Variants in MGAT4C observed in about 807,000 individuals in gnomAD.
MGAT4C encodes the protein alpha-1,3-mannosyl-glycoprotein 4-beta-N-acetylglucosaminyltransferase C.
A neutral mutation model predicts 40.1 loss-of-function variants in MGAT4C; 19 were observed. The ratio of observed to expected loss-of-function variants is 0.47; its 90% CI spans 0.33 to 0.70. The LOEUF (loss-of-function observed/expected upper bound fraction) is 0.70. Ranked by LOEUF, MGAT4C falls within the 30% of genes least tolerant of loss-of-function variation. The pLI, the probability that MGAT4C is intolerant of heterozygous loss-of-function variation, is 0.02. For missense variants in MGAT4C, 491 were observed against 563.2 expected, an observed-to-expected ratio of 0.87 and a Z score of 1.30; for synonymous variants, 181 against 187.1, an observed-to-expected ratio of 0.97 and a Z score of 0.27.
chr12:86,404,762 A>T (rs1249090543), intron 3 of MGAT4C, among the ~76,000 whole-genome samples: 5 of 152,172 alleles, frequency 3.3e-5, no homozygotes, highest in Non-Finnish European at 7.4e-5. Context: ...TGTTAGGAAG[A>T]TTACCTAATG....
intron 1 of MGAT4C, among the ~76,000 whole-genome samples, chr12:86,777,907 C>T (rs1264129908): frequency 1.3e-5 from 2 of 152,090 alleles, no homozygotes; most frequent in South Asian, 2.1e-4. Context: ...GAACTCAAAA[C>T]TTTGAATTTT....
In MGAT4C at chr12:86,271,783, T is replaced by G. The variant is rs184444893; in HGVS notation, c.-57+62282A>C. On this transcript the variant is annotated intron_variant, in intron 4 of 7. Transcript: ENST00000548651. ...CAATAGATGATGGAGTAGAGAATAT[T>G]TGGTATATATACAGCATGGACTATT... 2.4e-3 allele frequency among the ~76,000 whole-genome samples: 358 copies of G among 152,274 alleles called. 1 individual carries two copies. The highest frequency in any genetic ancestry group is 4.0e-3 in the Admixed American group (61 of 15,298).
intron 2 of MGAT4C, among the ~76,000 whole-genome samples, chr12:86,508,384 G>T (rs1399411143): frequency 6.6e-6 from 1 of 152,154 alleles, no homozygotes; most frequent in African/African-American, 2.4e-5. Flanking sequence ...CAAAGGACAT[G>T]AACTCAACAT....
chr12:86,714,454 G>A (rs2136636133), intron 2 of MGAT4C, among the ~76,000 whole-genome samples: 1 of 152,178 alleles, frequency 6.6e-6, no homozygotes, highest in Non-Finnish European at 1.5e-5. Context: ...TGTTGTGGGA[G>A]GGACCCGGTG....
chr12:86,380,041 T>A (rs984960928), intron 3 of MGAT4C, among the ~76,000 whole-genome samples: 4 of 152,260 alleles, frequency 2.6e-5, no homozygotes, highest in Admixed American at 6.5e-5. Context: ...TAGGTATTAT[T>A]TTCTGGGCCA....
At chr12:86,110,916 T>C (rs1024076) in intron 1 of MGAT4C, among the ~76,000 whole-genome samples, 87,309 of 151,434 alleles carry the variant, frequency 0.58, 25,454 homozygotes, top group South Asian at 0.72. Context: ...CAGACTGCAG[T>C]GAGACTATTT....
chr12:86,292,661 G>A (rs1436974393), intron 4 of MGAT4C, among the ~76,000 whole-genome samples: 1 of 152,114 alleles, frequency 6.6e-6, no homozygotes, highest in African/African-American at 2.4e-5. Flanking sequence ...CCCATATTGC[G>A]TTCCACGAAA....
chr12:86,718,089 G>A (rs2136640664), intron 2 of MGAT4C, among the ~76,000 whole-genome samples: 1 of 152,232 alleles, frequency 6.6e-6, no homozygotes, highest in African/African-American at 2.4e-5. Flanking sequence ...ACAAACTAAT[G>A]ATGCTGTTAA....
At position 85,979,349 on chromosome 12, in the gene MGAT4C, A is replaced by G; in HGVS notation, c.1377T>C (p.Tyr459=). Reference sequence around the variant, plus strand: ...GCCATTCCTTTTGTGTTTTGGTGACATATATCCTCATACAATGTATATCAA... The same window carrying G: ...GCCATTCCTTTTGTGTTTTGGTGACGTATATCCTCATACAATGTATATCAA... ...IPFDIHCMRI[Y]VTKTQKEWLI... Residue 459 remains tyrosine, a synonymous_variant, in exon 5 of 5, where the codon TAT becomes TAC. Transcript: ENST00000611864. 1.2e-6 allele frequency: 2 copies of G among 1,612,506 alleles called. No individual in the cohort carries two copies. Among genetic ancestry groups the G allele is most frequent in the Non-Finnish European group, 1.7e-6 (2 of 1,179,078 alleles).
At chr12:86,737,270 A>G (rs949156634) in intron 1 of MGAT4C, among the ~76,000 whole-genome samples, 1 of 149,970 alleles carries the variant, frequency 6.7e-6, no homozygotes, top group Non-Finnish European at 1.5e-5. Context: ...CCAATGGTCA[A>G]TTTTCAGTAC....
At position 86,668,572 on chromosome 12, in the gene MGAT4C, T is replaced by C. The variant is rs138704595; in HGVS notation, c.-229+58637A>G. ...GCACACCATTTTTAATCTGTGCACA[T>C]ACACTGTCAGCCATTATTTTGTGTG... On this transcript the variant is annotated intron_variant, in intron 2 of 7. Coordinates refer to the MGAT4C transcript ENST00000548651. Among the ~76,000 whole-genome samples, 557 of 152,282 alleles carry C rather than the reference T, an allele frequency of 3.7e-3. 1 individual carries two copies. Among genetic ancestry groups the C allele is most frequent in the African/African-American group, 0.013 (529 of 41,550 alleles).
intron 2 of MGAT4C, among the ~76,000 whole-genome samples, chr12:86,596,404 C>T (rs1207381051): frequency 2.0e-5 from 3 of 152,026 alleles, no homozygotes; most frequent in African/African-American, 7.2e-5. Flanking sequence ...CGGGGACTAT[C>T]GTTAAAGAGA....
intron 2 of MGAT4C, among the ~76,000 whole-genome samples, chr12:86,543,610 CT>C (rs1394368746): frequency 6.6e-6 from 1 of 151,972 alleles, no homozygotes; most frequent in African/African-American, 2.4e-5. Context: ...TTTTTTGCCT[CT>C]TTATTTTTCA....
At chr12:86,310,879 G>A (rs1188587927) in intron 4 of MGAT4C, among the ~76,000 whole-genome samples, 2 of 152,104 alleles carry the variant, frequency 1.3e-5, no homozygotes, top group Non-Finnish European at 2.9e-5. Context: ...AGCCGAGATC[G>A]CACCACCGCA....
upstream of MGAT4C, among the ~76,000 whole-genome samples, chr12:86,259,836 C>T (rs1414756415): frequency 1.1e-4 from 1 of 9,348 alleles, no homozygotes; most frequent in Non-Finnish European, 1.8e-4. Flanking sequence ...ACTCAGCACC[C>T]TGACTAGTAA....
At chr12:86,401,673 C>T (rs1388046873) in intron 3 of MGAT4C, among the ~76,000 whole-genome samples, 2 of 152,054 alleles carry the variant, frequency 1.3e-5, no homozygotes, top group Non-Finnish European at 2.9e-5. Context: ...CTTCACTTCA[C>T]GTCTTGTGAC....
intron 1 of MGAT4C, among the ~76,000 whole-genome samples, chr12:86,076,189 A>G (rs1869665238): frequency 6.6e-6 from 1 of 152,078 alleles, no homozygotes; most frequent in Non-Finnish European, 1.5e-5. Context: ...AGTCTCTAGG[A>G]TGGGGCAAAA....
chr12:86,106,420 C>T (rs1011727567), intron 1 of MGAT4C, among the ~76,000 whole-genome samples: 5 of 152,254 alleles, frequency 3.3e-5, no homozygotes, highest in Admixed American at 3.3e-4. Context: ...CTTACATCAG[C>T]CCCTCTAGTC....
At chr12:86,058,834 G>C (rs1445924594) in intron 1 of MGAT4C, among the ~76,000 whole-genome samples, 5 of 151,544 alleles carry the variant, frequency 3.3e-5, no homozygotes, top group Non-Finnish European at 7.4e-5. Context: ...AAAATGTCTT[G>C]TTTTTTTCAA....
Sources: allele counts gnomAD v4.1 joint callset (sites outside exome capture counted in the v4.1 genomes callset), GRCh38; gene constraint gnomAD v4.1.1; transcripts MANE v1.5; gene names NCBI Gene and HGNC (gene_info 2026-07-23, HGNC 2026-07-21).